REG3G: variants seen among roughly 807,000 people sequenced by gnomAD.
REG3G encodes the protein regenerating islet-derived protein 3-gamma.
In REG3G, 19 loss-of-function variants were observed where a neutral mutation model predicts 20.9. That is an observed-to-expected ratio of 0.91 (90% confidence interval 0.64 to 1.34). The LOEUF (loss-of-function observed/expected upper bound fraction) is 1.34. Among genes scored for constraint, REG3G ranks in the 40% most tolerant of loss-of-function variants. REG3G has a pLI of 0.00. For missense variants in REG3G, 235 were observed against 205.0 expected, an observed-to-expected ratio of 1.15 and a Z score of -0.89; for synonymous variants, 89 against 77.4, an observed-to-expected ratio of 1.15 and a Z score of -0.79.
chr2:79,026,085 G>A lies in REG3G; in HGVS notation c.-9G>A, dbSNP rs771894344. ...AGTGACCCGATTGCCTCCTCAAGTCGCAGACACTATGCTGCCTCCCATGGC... is the reference window on the plus strand; with the variant it reads ...AGTGACCCGATTGCCTCCTCAAGTCACAGACACTATGCTGCCTCCCATGGC... On this transcript the variant is annotated 5_prime_UTR_variant, in exon 2 of 6. Transcript: ENST00000272324. 124 of 1,613,650 alleles carry A rather than the reference G, an allele frequency of 7.7e-5. No individual in the cohort carries two copies. The highest frequency in any genetic ancestry group is 2.7e-4 in the East Asian group (12 of 44,854).
intron 4 of REG3G, 118 bp downstream of exon 4, chr2:79,027,289 T>C: frequency 1.8e-6 from 2 of 1,106,882 alleles, no homozygotes; most frequent in Non-Finnish European, 1.3e-6. Context: ...GCTCAGATTC[T>C]GGGGGACATT....
At chr2:79,025,895 C>T (rs1671605147) in intron 1 of REG3G, 88 bp from the exon 2 acceptor site, 2 of 580,292 alleles carry the variant, frequency 3.4e-6, no homozygotes, top group South Asian at 2.0e-5. Flanking sequence ...CAAGGCTGTA[C>T]TGGGAGGTCT....
chr2:79,027,661 C>A, intron 4 of REG3G, 146 bp from the exon 5 acceptor site: 1 of 818,590 alleles, frequency 1.2e-6, no homozygotes. Flanking sequence ...GAAAAGATTC[C>A]AGTGCAGAGG....
At chr2:79,026,993 G>T in intron 3 of REG3G, 41 bp from the exon 4 acceptor site, 1 of 1,613,098 alleles carries the variant, frequency 6.2e-7, no homozygotes, top group Non-Finnish European at 8.5e-7. Context: ...CTCCCTCAGT[G>T]GGTCTCAGGC....
chr2:79,028,184 T>C (rs1276685960), intron 5 of REG3G, 25 bp from the exon 6 acceptor site: 5 of 1,562,282 alleles, frequency 3.2e-6, no homozygotes, highest in Non-Finnish European at 3.5e-6. Flanking sequence ...CCCAGCCCCA[T>C]GCCTTTTATA....
At chr2:79,025,841 G>T in intron 1 of REG3G, 68 bp downstream of exon 1, 1 of 477,056 alleles carries the variant, frequency 2.1e-6, no homozygotes, top group Non-Finnish European at 3.8e-6. Flanking sequence ...GAGAACGCAT[G>T]GGAGGGTCCC....
At chr2:79,025,824 A>G (rs369221) in intron 1 of REG3G, 51 bp downstream of exon 1, 334,385 of 400,180 alleles carry the variant, frequency 0.84, 140,050 homozygotes, top group East Asian at 0.89. Flanking sequence ...AACCTCACAT[A>G]ATACAGGAGA....
Position 79,027,817 on chromosome 2 carries a change from C to A in REG3G, c.344C>A (p.Pro115His), listed in dbSNP as rs778359057. Reference sequence around the variant, plus strand: ...TCCTCTTCTCTATAGGGCTCTGAGCCTGATGGAGATGGATGGGAGTGGAGT... The same window carrying A: ...TCCTCTTCTCTATAGGGCTCTGAGCATGATGGAGATGGATGGGAGTGGAGT... ...GLHDPTQGSE[P>H]DGDGWEWSST... Residue 115 changes from proline (P) to histidine (H), a missense_variant, in exon 5 of 6, where the codon CCT becomes CAT. Pro to His is a moderately conservative substitution (Grantham distance 77, BLOSUM62 -2). Coordinates refer to ENST00000272324, the MANE Select transcript of REG3G (RefSeq NM_001008387.3). 2 of 1,614,008 alleles carry A rather than the reference C, an allele frequency of 1.2e-6. No homozygotes were observed. Among genetic ancestry groups the A allele is most frequent in the Non-Finnish European group, 1.7e-6 (2 of 1,179,948 alleles).
At position 79,028,252 on chromosome 2, in the gene REG3G, C is replaced by T; in HGVS notation, c.504C>T (p.Pro168=). ...ATTATAACTGTGATGCAAAGTTACCCTATGTCTGCAAGTTCAAGGACTAGG... is the reference window on the plus strand; with the variant it reads ...ATTATAACTGTGATGCAAAGTTACCTTATGTCTGCAAGTTCAAGGACTAGG... The part of the protein sequence containing the change: ...WKDYNCDAKL[P]YVCKFKD The change falls in exon 6 of 6, where the codon CCC becomes CCT. Residue 168 remains proline (P), a synonymous_variant. Coordinates refer to ENST00000272324, the MANE Select transcript of REG3G (RefSeq NM_001008387.3). The T allele has an allele frequency of 6.2e-7, 1 of 1,613,146 alleles. No homozygotes were observed. The highest frequency in any genetic ancestry group is 8.5e-7 in the Non-Finnish European group (1 of 1,179,232).
At position 79,025,988 on chromosome 2, in the gene REG3G, G is replaced by A; in HGVS notation, c.-106G>A. 17 of 1,034,524 alleles carry A rather than the reference G, an allele frequency of 1.6e-5. 1 individual carries two copies. The South Asian group carries it at 2.3e-4, about 14-fold the overall frequency. 64.1% of individuals were successfully genotyped at this position (1,034,524 alleles called of 1,614,324 possible). On this transcript the variant is annotated 5_prime_UTR_variant, in exon 2 of 6. Coordinates refer to ENST00000272324, the MANE Select transcript of REG3G (RefSeq NM_001008387.3). The stretch of plus-strand genomic sequence containing the variant: ...TGTGACCAAGATCACTTCAGTCCTA[G>A]GGGACTACAGAAGGAAAAAGACAAG...
chr2:79,026,598 A>C lies in REG3G; in HGVS notation c.77-115A>C, dbSNP rs1356172509. On this transcript the variant is annotated intron_variant, in intron 2 of 5. Transcript: ENST00000272324. ...CTTCTGAAAACACAAGGGAAGATGA[A>C]GAGCTGTCAGGAATGTGGTCTTCCT... The C allele has an allele frequency of 7.4e-6, 6 of 805,834 alleles. No homozygotes were observed. In the Admixed American group the frequency reaches 1.2e-4, roughly 16 times the overall value. The allele number at this position is 805,834 out of a possible 1,614,324, so 49.9% of individuals were successfully genotyped here. A position where few individuals can be genotyped will look rare whatever the true frequency, so the allele number is the denominator to read the frequency against.
At chr2:79,026,609 G>C (rs1056370362) in intron 2 of REG3G, 104 bp from the exon 3 acceptor site, 35 of 868,496 alleles carry the variant, frequency 4.0e-5, no homozygotes, top group Non-Finnish European at 6.3e-5. Context: ...GAGCTGTCAG[G>C]AATGTGGTCT....
chr2:79,027,891 A>C lies in REG3G; in HGVS notation c.418A>C (p.Ile140Leu), dbSNP rs766750797. ...TGCATGGGAGAAAAATCCCTCCACC[A>C]TCTTAAACCCTGGCCACTGTGGGAG... Reference protein sequence around the residue: ...YFAWEKNPSTILNPGHCGSLS... With the variant: ...YFAWEKNPSTLLNPGHCGSLS... The change falls in exon 5 of 6, where the codon ATC becomes CTC. Residue 140 changes from isoleucine to leucine, a missense_variant. Coordinates refer to ENST00000272324, the MANE Select transcript of REG3G (RefSeq NM_001008387.3). The C allele has an allele frequency of 1.2e-6, 2 of 1,613,956 alleles. No individual in the cohort carries two copies. Among genetic ancestry groups the C allele is most frequent in the African/African-American group, 1.3e-5 (1 of 74,898 alleles).
chr2:79,027,883 C>T lies in REG3G; in HGVS notation c.410C>T (p.Pro137Leu), dbSNP rs1444666399. Reference sequence around the variant, plus strand: ...AATTACTTTGCATGGGAGAAAAATCCCTCCACCATCTTAAACCCTGGCCAC... The same window carrying T: ...AATTACTTTGCATGGGAGAAAAATCTCTCCACCATCTTAAACCCTGGCCAC... Reference protein sequence around the residue: ...VMNYFAWEKNPSTILNPGHCG... With the variant: ...VMNYFAWEKNLSTILNPGHCG... The change falls in exon 5 of 6, where the codon CCC becomes CTC. Residue 137 changes from proline to leucine, a missense_variant. Physicochemically the swap from Pro to Leu is moderately conservative, Grantham distance 98. Coordinates refer to ENST00000272324, the MANE Select transcript of REG3G (RefSeq NM_001008387.3). 2 of 1,613,874 alleles carry T rather than the reference C, an allele frequency of 1.2e-6. No individual in the cohort carries two copies. Among genetic ancestry groups the T allele is most frequent in the African/African-American group, 1.3e-5 (1 of 74,862 alleles).
rs111972125 is a variant in REG3G at position 79,027,252 on chromosome 2, C to T, written c.333+81C>T. On this transcript the variant is annotated intron_variant, in intron 4 of 5. Coordinates refer to ENST00000272324, the MANE Select transcript of REG3G (RefSeq NM_001008387.3). ...CGCACTCCCTGTCCCCAGTCCCTGC[C>T]CAGGAAGTACTTTAGGGAGCACTGG... 3.7e-5 allele frequency: 54 copies of T among 1,461,834 alleles called. No individual in the cohort carries two copies. The African/African-American group carries it at 4.7e-4, about 13-fold the overall frequency. The allele number at this position is 1,461,834 out of a possible 1,614,324, so 90.6% of individuals were successfully genotyped here.
At chr2:79,027,780 C>G (rs968449071) in intron 4 of REG3G, 27 bp from the exon 5 acceptor site, 1 of 1,613,426 alleles carries the variant, frequency 6.2e-7, no homozygotes, top group East Asian at 2.2e-5. Flanking sequence ...CCATTTTCTT[C>G]ACCTGGCTGC....
In REG3G at chr2:79,027,833, G is replaced by C; in HGVS notation, c.360G>C (p.Trp120Cys). The C allele has an allele frequency of 1.2e-6, 2 of 1,614,036 alleles. No homozygotes were observed. Among genetic ancestry groups the C allele is most frequent in the Non-Finnish European group, 1.7e-6 (2 of 1,179,944 alleles). The change falls in exon 5 of 6, where the codon TGG becomes TGC. Residue 120 changes from tryptophan to cysteine, a missense_variant. Physicochemically the swap from Trp to Cys is radical, Grantham distance 215. Coordinates refer to ENST00000272324, the MANE Select transcript of REG3G (RefSeq NM_001008387.3). ...GCTCTGAGCCTGATGGAGATGGATG[G>C]GAGTGGAGTAGCACTGATGTGATGA... The part of the protein sequence containing the change: ...TQGSEPDGDG[W>C]EWSSTDVMNY...
At position 79,026,051 on chromosome 2, in the gene REG3G, A is replaced by C. The variant is rs866298546; in HGVS notation, c.-43A>C. ...ATCTGTGTGTCCTCCCGCTGACCACACTTCCTTTAGTGACCCGATTGCCTC... is the reference window on the plus strand; with the variant it reads ...ATCTGTGTGTCCTCCCGCTGACCACCCTTCCTTTAGTGACCCGATTGCCTC... On this transcript the variant is annotated 5_prime_UTR_variant, in exon 2 of 6. Coordinates refer to ENST00000272324, the MANE Select transcript of REG3G (RefSeq NM_001008387.3). The C allele has an allele frequency of 6.3e-7, 1 of 1,595,820 alleles. No homozygotes were observed. Among genetic ancestry groups the C allele is most frequent in the Middle Eastern group, 1.7e-4 (1 of 6,014 alleles).
chr2:79,025,941 C>A, intron 1 of REG3G, 42 bp from the exon 2 acceptor site: 1 of 702,290 alleles, frequency 1.4e-6, no homozygotes, highest in South Asian at 1.8e-5. Flanking sequence ...ACAGCTCATT[C>A]AGAACTGTAG....
Sources: gnomAD v4.1 joint callset for allele counts on GRCh38, gnomAD v4.1.1 for gene constraint, MANE v1.5 for transcripts, NCBI Gene and HGNC (gene_info 2026-07-23, HGNC 2026-07-21) for gene names.